Variants in SLC7A11 observed in about 807,000 individuals in gnomAD.
The protein encoded by SLC7A11 is cystine/glutamate transporter.
SLC7A11 carries 35 observed loss-of-function variants against 54.5 expected under a neutral mutation model. The observed-to-expected ratio is 0.64, with a 90% CI of 0.49 to 0.85. The LOEUF (loss-of-function observed/expected upper bound fraction) is 0.85. SLC7A11 is among the 40% of genes least tolerant of loss of function. The probability of loss-of-function intolerance (pLI) is 0.00; values close to 1 mark genes in which losing one functional copy is unlikely to be tolerated. For missense variants in SLC7A11, 583 were observed against 618.1 expected (o/e 0.94, Z 0.60); for synonymous variants, 230 against 225.2 (o/e 1.02, Z -0.19).
intron 6 of SLC7A11, among the ~76,000 whole-genome samples, chr4:138,200,702 AG>A (rs1340602216): frequency 6.6e-6 from 1 of 152,154 alleles, no homozygotes; most frequent in Non-Finnish European, 1.5e-5. Context: ...TCACAATAAA[AG>A]GGTTGTGAAT....
intron 6 of SLC7A11, among the ~76,000 whole-genome samples, chr4:138,194,025 C>T (rs539345827): frequency 1.3e-5 from 2 of 152,174 alleles, no homozygotes; most frequent in African/African-American, 4.8e-5. Flanking sequence ...ATAGAAATGG[C>T]CTGGCTTTAG....
chr4:138,183,338 C>T, intron 7 of SLC7A11, 33 bp from the exon 8 acceptor site: 1 of 1,433,914 alleles, frequency 7.0e-7, no homozygotes, highest in Non-Finnish European at 9.7e-7. Flanking sequence ...AAATTAATGC[C>T]TTGCCAGAAA....
At chr4:138,220,732 T>C (rs1423211928) in intron 4 of SLC7A11, among the ~76,000 whole-genome samples, 2 of 152,212 alleles carry the variant, frequency 1.3e-5, no homozygotes, top group African/African-American at 4.8e-5. Flanking sequence ...AGTGAGACTT[T>C]GTTTTAAAAT....
intron 1 of SLC7A11, among the ~76,000 whole-genome samples, chr4:138,238,935 C>T (rs1290017976): frequency 1.3e-5 from 2 of 152,072 alleles, no homozygotes; most frequent in Admixed American, 6.5e-5. Flanking sequence ...AACACTCAAA[C>T]CAAAAACAGA....
chr4:138,190,845 G>A (rs1736992712), intron 6 of SLC7A11, among the ~76,000 whole-genome samples: 1 of 152,012 alleles, frequency 6.6e-6, no homozygotes, highest in Non-Finnish European at 1.5e-5. Flanking sequence ...AAGCGTTCAA[G>A]AAAACAAATA....
At chr4:138,208,272 A>C (rs538992487) in intron 6 of SLC7A11, among the ~76,000 whole-genome samples, 1 of 152,214 alleles carries the variant, frequency 6.6e-6, no homozygotes, top group Admixed American at 6.6e-5. Flanking sequence ...AGGTTTACTG[A>C]CTTCCTCTAA....
chr4:138,196,781 T>C (rs1445539821), intron 6 of SLC7A11, among the ~76,000 whole-genome samples: 1 of 152,124 alleles, frequency 6.6e-6, no homozygotes, highest in African/African-American at 2.4e-5. Context: ...TGCTTCAGCC[T>C]CCCGAGTAGC....
At chr4:138,233,683 A>C (rs558950150) in intron 2 of SLC7A11, among the ~76,000 whole-genome samples, 3 of 152,212 alleles carry the variant, frequency 2.0e-5, no homozygotes, top group Non-Finnish European at 4.4e-5. Context: ...ATCTTCCCCA[A>C]ACAAAACTGT....
In SLC7A11 at chr4:138,219,321, T is replaced by C; in HGVS notation, c.691A>G (p.Ser231Gly). ...AAAGCCAGTGGCAACCGCGTAATAC[T>C]TGAATCTCTTCCTGAAAAGGCGTCT... The part of the protein sequence containing the change: ...FKDAFSGRDS[S>G]ITRLPLAFYY... Residue 231 changes from serine to glycine, a missense_variant, in exon 5 of 12, where the codon AGT becomes GGT. By Grantham distance (56) the Ser-to-Gly change is moderately conservative. Coordinates refer to ENST00000280612, the MANE Select transcript of SLC7A11 (RefSeq NM_014331.4). 2 of 1,611,310 alleles carry C rather than the reference T, an allele frequency of 1.2e-6. No homozygotes were observed. Among genetic ancestry groups the C allele is most frequent in the African/African-American group, 1.3e-5 (1 of 74,996 alleles).
At chr4:138,199,348 A>C (rs953989679) in intron 6 of SLC7A11, among the ~76,000 whole-genome samples, 1 of 152,122 alleles carries the variant, frequency 6.6e-6, no homozygotes, top group South Asian at 2.1e-4. Context: ...AGGAAATGCT[A>C]TATACTGTTA....
Position 138,242,233 on chromosome 4 carries a change from C to T in SLC7A11, c.-164G>A. 4 of 741,076 alleles carry T rather than the reference C, an allele frequency of 5.4e-6. No individual in the cohort carries two copies. In the South Asian group the frequency reaches 7.5e-5, roughly 14 times the overall value. 45.9% of individuals were successfully genotyped at this position (741,076 alleles called of 1,614,324 possible). A position where few individuals can be genotyped will look rare whatever the true frequency, so the allele number is the denominator to read the frequency against. On this transcript the variant is annotated 5_prime_UTR_variant, in exon 1 of 12. Coordinates refer to ENST00000280612, the MANE Select transcript of SLC7A11 (RefSeq NM_014331.4). The stretch of plus-strand genomic sequence containing the variant: ...AAACTCAAAGGTGTGCTTTTTCCTT[C>T]ACAGCGATCTAATTACTACTCAGAA...
At chr4:138,188,347 G>A (rs1352646212) in intron 6 of SLC7A11, among the ~76,000 whole-genome samples, 1 of 152,180 alleles carries the variant, frequency 6.6e-6, no homozygotes, top group South Asian at 2.1e-4. Context: ...ACAGGCATGA[G>A]CCACGACGCC....
At position 138,241,971 on chromosome 4, in the gene SLC7A11, A is replaced by G; in HGVS notation, c.99T>C (p.Pro33=). 2 of 1,614,200 alleles carry G rather than the reference A, an allele frequency of 1.2e-6. No homozygotes were observed. The highest frequency in any genetic ancestry group is 2.2e-5 in the East Asian group (1 of 44,880). Reference sequence around the variant, plus strand: ...TCTTCAGCTGCACTTTCTCCTGCCCAGGTGGCTCCTTGTTGCCCAGGGAAG... The same window carrying G: ...TCTTCAGCTGCACTTTCTCCTGCCCGGGTGGCTCCTTGTTGCCCAGGGAAG... The part of the protein sequence containing the change: ...RLPSLGNKEP[P]GQEKVQLKRK... Residue 33 remains proline (P), a synonymous_variant, in exon 1 of 12, where the codon CCT becomes CCC. Coordinates refer to ENST00000280612, the MANE Select transcript of SLC7A11 (RefSeq NM_014331.4).
chr4:138,239,476 G>A (rs957833862), intron 1 of SLC7A11, among the ~76,000 whole-genome samples: 2 of 152,138 alleles, frequency 1.3e-5, no homozygotes, highest in African/African-American at 4.8e-5. Flanking sequence ...TAAAAAGAAG[G>A]ATTATTTTTT....
intron 7 of SLC7A11, among the ~76,000 whole-genome samples, chr4:138,184,902 T>C (rs1254536784): frequency 6.6e-6 from 1 of 152,160 alleles, no homozygotes; most frequent in Non-Finnish European, 1.5e-5. Flanking sequence ...AACTGTTTTA[T>C]AAGAAATTAG....
intron 3 of SLC7A11, among the ~76,000 whole-genome samples, chr4:138,223,640 A>G (rs1737871563): frequency 6.6e-6 from 1 of 152,146 alleles, no homozygotes; most frequent in Non-Finnish European, 1.5e-5. Flanking sequence ...ATCACATAAA[A>G]ATGTCTTCTA....
At position 138,170,271 on chromosome 4, in the gene SLC7A11, T is replaced by TATATATATATATATATAC. The variant is rs752680028; in HGVS notation, c.*1684_*1685insGTATATATATATATATAT. On this transcript the variant is annotated 3_prime_UTR_variant, in exon 12 of 12. Transcript: ENST00000280612. ...GTGTGTATATATATATATATATATATACACACACACACACACACACACATA... is the reference window on the plus strand; with the variant it reads ...GTGTGTATATATATATATATATATATATATATATATATATATACACACACACACACACACACACACATA... The TATATATATATATATATAC allele has an allele frequency of 9.3e-5, 8 of 86,244 alleles. No homozygotes were observed. In the East Asian group the frequency reaches 1.1e-3, roughly 11 times the overall value. The allele number at this position is 86,244 out of a possible 1,614,324, so 5.3% of individuals were successfully genotyped here.
chr4:138,185,472 C>G (rs1035073507), intron 6 of SLC7A11, among the ~76,000 whole-genome samples: 1 of 152,084 alleles, frequency 6.6e-6, no homozygotes, highest in African/African-American at 2.4e-5. Flanking sequence ...TATTGCTATA[C>G]CCCAGAACAT....
intron 6 of SLC7A11, among the ~76,000 whole-genome samples, chr4:138,206,714 A>AT (rs1282524185): frequency 1.3e-5 from 2 of 151,890 alleles, no homozygotes; most frequent in African/African-American, 2.4e-5. Flanking sequence ...GGCAAAATGT[A>AT]TTTTTTATGC....
Sources: gnomAD v4.1 joint callset for allele counts (sites outside exome capture counted in the v4.1 genomes callset) on GRCh38, gnomAD v4.1.1 for gene constraint, MANE v1.5 for transcripts, NCBI Gene and HGNC (gene_info 2026-07-23, HGNC 2026-07-21) for gene names.